The following RAB43 variants were observed in gnomAD, a reference collection of about 807,000 sequenced individuals.
The protein encoded by RAB43 is RAB43, member RAS oncogene family, also known as ras-related protein Rab-43.
RAB43 carries 6 observed loss-of-function variants against 18.8 expected under a neutral mutation model. That is an observed-to-expected ratio of 0.32 (90% CI 0.17 to 0.63). The LOEUF (loss-of-function observed/expected upper bound fraction) is 0.63. RAB43 is among the 30% of genes least tolerant of loss of function. The probability of loss-of-function intolerance (pLI) is 0.79; values close to 1 mark genes in which losing one functional copy is unlikely to be tolerated. For missense variants in RAB43, 195 were observed against 289.1 expected (o/e 0.67, Z 2.36); for synonymous variants, 103 against 124.1 (o/e 0.83, Z 1.13).
intron 2 of RAB43, among the ~76,000 whole-genome samples, chr3:129,091,594 C>T (rs1297021025): frequency 6.6e-6 from 1 of 152,248 alleles, no homozygotes; most frequent in African/African-American, 2.4e-5. Flanking sequence ...CAAGACCAGC[C>T]TGGGCAACAC....
intron 1 of RAB43, among the ~76,000 whole-genome samples, chr3:129,115,049 A>G (rs989027839): frequency 4.6e-5 from 7 of 152,142 alleles, no homozygotes; most frequent in African/African-American, 1.4e-4. Flanking sequence ...ATGATCCACT[A>G]TGGGCCAGGT....
intron 1 of RAB43, among the ~76,000 whole-genome samples, chr3:129,115,558 A>G (rs1308223791): frequency 3.4e-5 from 5 of 148,914 alleles, no homozygotes; most frequent in African/African-American, 1.2e-4. Flanking sequence ...GGTGGCTCAC[A>G]CCTGTAATCA....
rs1312861169 is a variant in RAB43 at position 129,091,330 on chromosome 3, G to A, written c.405C>T (p.Leu135=). The A allele has an allele frequency of 6.2e-7, 1 of 1,606,574 alleles. No individual in the cohort carries two copies. Among genetic ancestry groups the A allele is most frequent in the South Asian group, 1.1e-5 (1 of 89,784 alleles). ...VQLLIGNKSD[L]SELREVSLAE... The stretch of plus-strand genomic sequence containing the variant: ...CCAAGGAGACCTCCCGAAGCTCGCT[G>A]AGGTCTGACTTGTTCCCTGCGGAGG... Residue 135 remains leucine, a synonymous_variant, in exon 3 of 3, where the codon CTC becomes CTT. Coordinates refer to ENST00000315150, the MANE Select transcript of RAB43 (RefSeq NM_198490.3).
chr3:129,095,152 C>T lies in RAB43; in HGVS notation c.222G>A (p.Thr74=), dbSNP rs369991706. Reference sequence around the variant, plus strand: ...TGGTGCGGAACCGCTCCTGGCCGGCCGTGTCCCAGATCTGCAGCTAAAGAA... The same window carrying T: ...TGGTGCGGAACCGCTCCTGGCCGGCTGTGTCCCAGATCTGCAGCTAAAGAA... ...GKRVKLQIWD[T]AGQERFRTIT... Residue 74 remains threonine, a synonymous_variant, in exon 2 of 3, where the codon ACG becomes ACA. Transcript: ENST00000315150. This position sits in a 1 kb window ranked among gnomAD's most constrained non-coding sequence, Gnocchi z 4.2. The T allele has an allele frequency of 3.5e-5, 57 of 1,613,000 alleles. No homozygotes were observed. The highest frequency in any genetic ancestry group is 2.7e-4 in the East Asian group (12 of 44,884).
At chr3:129,111,720 T>G (rs543323799) in intron 1 of RAB43, among the ~76,000 whole-genome samples, 43 of 152,238 alleles carry the variant, frequency 2.8e-4, no homozygotes, top group African/African-American at 9.9e-4. Context: ...TAAAACTGAT[T>G]TTTTTCTAAG....
intron 1 of RAB43, among the ~76,000 whole-genome samples, chr3:129,096,191 A>G (rs906153524): frequency 6.6e-5 from 10 of 152,212 alleles, no homozygotes; most frequent in African/African-American, 2.4e-4. Flanking sequence ...TCTTTCTCTC[A>G]AGGTCTGTCT....
At chr3:129,092,635 G>T (rs1028419496) in intron 2 of RAB43, 6 of 550,686 alleles carry the variant, frequency 1.1e-5, no homozygotes, top group South Asian at 2.4e-5. Flanking sequence ...TAAATAAATA[G>T]ATAAAATACT....
rs147482453 is a variant in RAB43 at position 129,115,901 on chromosome 3, T to C, written c.204+5385A>G. 2.6e-5 allele frequency among the ~76,000 whole-genome samples: 4 copies of C among 152,342 alleles called. No homozygotes were observed. The East Asian group carries it at 5.8e-4, about 22-fold the overall frequency. On this transcript the variant is annotated intron_variant, in intron 1 of 2. Transcript: ENST00000315150. ...TTGCACATCATTCTGAGTAGCATGA[T>C]GAAATCTCACGCCATCCTGCTCCGT...
intron 1 of RAB43, among the ~76,000 whole-genome samples, chr3:129,113,290 C>T (rs1242130219): frequency 6.6e-6 from 1 of 151,866 alleles, no homozygotes; most frequent in East Asian, 1.9e-4. Context: ...CTCAGCCTCC[C>T]GAGTAGCTAG....
At chr3:129,114,830 G>T (rs1935417813) in intron 1 of RAB43, among the ~76,000 whole-genome samples, 2 of 152,152 alleles carry the variant, frequency 1.3e-5, no homozygotes, top group African/African-American at 4.8e-5. Context: ...TCACTGTATA[G>T]CTCTATTTCT....
Position 129,121,475 on chromosome 3 carries a change from G to A in RAB43, c.15C>T (p.Gly5=), listed in dbSNP as rs1935927850. The change falls in exon 1 of 3, where the codon GGC becomes GGT. Residue 5 remains glycine (G), a synonymous_variant. Coordinates refer to ENST00000315150, the MANE Select transcript of RAB43 (RefSeq NM_198490.3). The stretch of plus-strand genomic sequence containing the variant: ...GCTCGTCCGGGTCCCCCGGGCCTGG[G>A]CCCGGCCCTGCCATGGCCTAGAAGA... MAGP[G]PGPGDPDEQY... The A allele has an allele frequency of 3.7e-6, 6 of 1,610,786 alleles. No homozygotes were observed. The highest frequency in any genetic ancestry group is 1.3e-5 in the African/African-American group (1 of 74,988).
At position 129,108,343 on chromosome 3, in the gene RAB43, G is replaced by A. The variant is rs138103276; in HGVS notation, c.204+12943C>T. Reference sequence around the variant, plus strand: ...TTGGCTGGCTGTTGCCACAATGTGTGGAGGTGAAAGATGAGTACTTGTCAG... The same window carrying A: ...TTGGCTGGCTGTTGCCACAATGTGTAGAGGTGAAAGATGAGTACTTGTCAG... On this transcript the variant is annotated intron_variant, in intron 1 of 2. Coordinates refer to ENST00000315150, the MANE Select transcript of RAB43 (RefSeq NM_198490.3). 1.2e-3 allele frequency among the ~76,000 whole-genome samples: 188 copies of A among 152,380 alleles called. 4 individuals are homozygous for A. In the East Asian group the frequency reaches 0.024, roughly 20 times the overall value.
chr3:129,092,382 G>T, intron 2 of RAB43: 1 of 497,018 alleles, frequency 2.0e-6, no homozygotes, highest in Non-Finnish European at 3.6e-6. Context: ...CCGAGGGAGG[G>T]GAGGTGACAT....
chr3:129,104,245 T>A (rs1388478966), intron 1 of RAB43, among the ~76,000 whole-genome samples: 3 of 152,164 alleles, frequency 2.0e-5, no homozygotes, highest in Non-Finnish European at 4.4e-5. Flanking sequence ...ATCTGCCAAG[T>A]TGAGAGCGGA....
intron 1 of RAB43, among the ~76,000 whole-genome samples, chr3:129,120,453 G>A (rs1044715564): frequency 2.0e-5 from 3 of 152,212 alleles, no homozygotes; most frequent in Non-Finnish European, 4.4e-5. Flanking sequence ...GTGCGGTTCA[G>A]AAAAGTTACT....
Position 129,095,185 on chromosome 3 carries a change from T to C in RAB43, c.205-16A>G, listed in dbSNP as rs1452241171. 6.2e-7 allele frequency: 1 copy of C among 1,610,552 alleles called. No homozygotes were observed. The highest frequency in any genetic ancestry group is 8.5e-7 in the Non-Finnish European group (1 of 1,178,028). ...AGATCTGCAGCTAAAGAAATAAGGT[T>C]CCTCAGTGAACCCAGTGGCACAGGC... On this transcript the variant is annotated splice_polypyrimidine_tract_variant and intron_variant, in intron 1 of 2. Transcript: ENST00000315150. The surrounding 1 kb of genome is among the most constrained non-coding windows in gnomAD (Gnocchi z 4.2).
intron 1 of RAB43, among the ~76,000 whole-genome samples, chr3:129,119,102 A>C (rs537960914): frequency 1.6e-4 from 24 of 152,344 alleles, no homozygotes; most frequent in African/African-American, 5.3e-4. Context: ...GTAACACCTC[A>C]AGTGGTGAAG....
intron 2 of RAB43, 30 bp downstream of exon 2, chr3:129,094,956 A>T: frequency 1.3e-6 from 2 of 1,598,196 alleles, no homozygotes; most frequent in Non-Finnish European, 1.7e-6. Flanking sequence ...GAGTGATGGG[A>T]TTTGTGGTCC....
chr3:129,097,744 G>A (rs550862661), intron 1 of RAB43, among the ~76,000 whole-genome samples: 1 of 152,260 alleles, frequency 6.6e-6, no homozygotes, highest in East Asian at 1.9e-4. Context: ...TGGCAGCATC[G>A]CTGGTGGCAG....
Sources: allele counts gnomAD v4.1 joint callset (sites outside exome capture counted in the v4.1 genomes callset), GRCh38; gene constraint gnomAD v4.1.1; non-coding constraint Gnocchi (gnomAD v3.1); transcripts MANE v1.5; gene names NCBI Gene and HGNC (gene_info 2026-07-23, HGNC 2026-07-21).